Variants in SCD5 observed in about 807,000 individuals in gnomAD.
The protein encoded by SCD5 is acyl-CoA-desaturase 4.
In SCD5, 20 loss-of-function variants were observed where a neutral mutation model predicts 30.4. The ratio of observed to expected loss-of-function variants is 0.66; its 90% CI spans 0.46 to 0.96. SCD5 has a LOEUF of 0.96. SCD5 is among the 40% of genes least tolerant of loss of function. The pLI is 0.00. For synonymous variants in SCD5, 173 were observed against 176.4 expected (o/e 0.98, Z 0.16); for missense variants, 381 against 443.3 (o/e 0.86, Z 1.26).
chr4:82,790,743 A>G (rs1722082821), intron 1 of SCD5, among the ~76,000 whole-genome samples: 1 of 152,134 alleles, frequency 6.6e-6, no homozygotes, highest in Non-Finnish European at 1.5e-5. Flanking sequence ...TTGAATAAGG[A>G]AACTGAATAA....
intron 1 of SCD5, among the ~76,000 whole-genome samples, chr4:82,725,179 A>T (rs1051637045): frequency 2.0e-5 from 3 of 152,218 alleles, no homozygotes; most frequent in Non-Finnish European, 2.9e-5. Flanking sequence ...TGCTTTAATA[A>T]ATAACTCCCC....
chr4:82,781,032 C>T (rs1044530167), intron 1 of SCD5, among the ~76,000 whole-genome samples: 3 of 152,186 alleles, frequency 2.0e-5, no homozygotes, highest in African/African-American at 4.8e-5. Context: ...GGGAGAGAAA[C>T]GCAGCAGGGC....
chr4:82,638,042 G>T (rs1409522442), intron 3 of SCD5, among the ~76,000 whole-genome samples: 1 of 152,000 alleles, frequency 6.6e-6, no homozygotes. Context: ...TCCCCTTCCT[G>T]TGTCCGTGTG....
At chr4:82,734,766 A>ATT (rs200082291) in intron 1 of SCD5, among the ~76,000 whole-genome samples, 8 of 139,674 alleles carry the variant, frequency 5.7e-5, no homozygotes, top group Non-Finnish European at 1.2e-4. Context: ...GTTGAGCTCA[A>ATT]TTTTTTTTTT....
At chr4:82,684,471 C>T (rs1365021681) in intron 2 of SCD5, among the ~76,000 whole-genome samples, 1 of 152,162 alleles carries the variant, frequency 6.6e-6, no homozygotes, top group African/African-American at 2.4e-5. Context: ...CAATCAATCA[C>T]CTTTCTTCCC....
At chr4:82,784,622 A>G (rs770626972) in intron 1 of SCD5, among the ~76,000 whole-genome samples, 1 of 152,214 alleles carries the variant, frequency 6.6e-6, no homozygotes, top group Non-Finnish European at 1.5e-5. Context: ...AAGCCCCAGA[A>G]TTTAGACAGT....
chr4:82,704,700 C>T (rs540790366), intron 2 of SCD5, among the ~76,000 whole-genome samples: 6 of 152,026 alleles, frequency 3.9e-5, no homozygotes, highest in Non-Finnish European at 5.9e-5. Context: ...AAAATCCCTG[C>T]GTCTTCAAAC....
intron 1 of SCD5, among the ~76,000 whole-genome samples, chr4:82,791,162 C>T (rs549234781): frequency 2.3e-4 from 35 of 152,064 alleles, no homozygotes; most frequent in Admixed American, 9.2e-4. Flanking sequence ...CGCTTGAACC[C>T]GGGAGATGGA....
chr4:82,647,003 T>G (rs1727646462), intron 3 of SCD5, among the ~76,000 whole-genome samples: 1 of 152,204 alleles, frequency 6.6e-6, no homozygotes, highest in Non-Finnish European at 1.5e-5. Context: ...TTTTGTATTT[T>G]TAGTAGAGAC....
At chr4:82,668,967 TAAC>T (rs1429898583) in intron 3 of SCD5, among the ~76,000 whole-genome samples, 1 of 152,202 alleles carries the variant, frequency 6.6e-6, no homozygotes, top group Non-Finnish European at 1.5e-5. Context: ...TCAACCGCAC[TAAC>T]ATCTAGGGAG....
intron 1 of SCD5, among the ~76,000 whole-genome samples, chr4:82,762,622 G>A (rs1721401132): frequency 6.6e-6 from 1 of 152,120 alleles, no homozygotes; most frequent in Admixed American, 6.5e-5. Context: ...CTCCACGTTA[G>A]ATAAAAACAA....
intron 1 of SCD5, among the ~76,000 whole-genome samples, chr4:82,751,371 G>A (rs963414250): frequency 4.6e-5 from 7 of 152,116 alleles, no homozygotes; most frequent in African/African-American, 1.7e-4. Context: ...AAGAGAAGAG[G>A]AGTTTGAGGA....
intron 1 of SCD5, among the ~76,000 whole-genome samples, chr4:82,707,690 GT>G (rs912396998): frequency 2.2e-4 from 33 of 152,248 alleles, no homozygotes; most frequent in African/African-American, 8.0e-4. Flanking sequence ...CCAACAGCCA[GT>G]AAGGAAATGA....
At chr4:82,736,379 C>T (rs1243165430) in intron 1 of SCD5, among the ~76,000 whole-genome samples, 1 of 151,638 alleles carries the variant, frequency 6.6e-6, no homozygotes, top group African/African-American at 2.4e-5. Context: ...GAGGCTGAGG[C>T]AGGTGGATCA....
At chr4:82,702,425 A>G (rs1323073483) in intron 2 of SCD5, among the ~76,000 whole-genome samples, 2 of 152,098 alleles carry the variant, frequency 1.3e-5, no homozygotes, top group South Asian at 2.1e-4. Flanking sequence ...GATTACAGGT[A>G]TGAGCCACCA....
At chr4:82,648,224 T>C (rs1727670997) in intron 3 of SCD5, among the ~76,000 whole-genome samples, 1 of 152,198 alleles carries the variant, frequency 6.6e-6, no homozygotes, top group African/African-American at 2.4e-5. Context: ...GAAGAATGTC[T>C]CACCAGCTCC....
intron 2 of SCD5, among the ~76,000 whole-genome samples, chr4:82,703,461 T>C (rs1055768024): frequency 6.6e-6 from 1 of 152,204 alleles, no homozygotes; most frequent in Admixed American, 6.5e-5. Flanking sequence ...GTGAGGCAAA[T>C]ATTATTATCC....
intron 3 of SCD5, among the ~76,000 whole-genome samples, chr4:82,646,958 G>A (rs1727645525): frequency 6.6e-6 from 1 of 152,190 alleles, no homozygotes; most frequent in Non-Finnish European, 1.5e-5. Context: ...CATTAGCTGG[G>A]ATTACAGGCA....
intron 1 of SCD5, among the ~76,000 whole-genome samples, chr4:82,771,986 A>AT (rs1721633970): frequency 6.6e-6 from 1 of 152,212 alleles, no homozygotes; most frequent in African/African-American, 2.4e-5. Flanking sequence ...CAAGAGAGTT[A>AT]TTTAGCCCAA....
Sources: allele counts gnomAD v4.1 joint callset (sites outside exome capture counted in the v4.1 genomes callset), GRCh38; gene constraint gnomAD v4.1.1; transcripts MANE v1.5; gene names NCBI Gene and HGNC (gene_info 2026-07-23, HGNC 2026-07-21).